DLGAP2: variants seen among roughly 807,000 people sequenced by gnomAD.
The protein encoded by DLGAP2 is disks large-associated protein 2.
DLGAP2 carries 26 observed loss-of-function variants against 100.3 expected under a neutral mutation model. That is an observed-to-expected ratio of 0.26 (90% CI 0.19 to 0.36). The LOEUF (loss-of-function observed/expected upper bound fraction) is 0.36. DLGAP2 is among the 10% of genes least tolerant of loss of function. The pLI, the probability that DLGAP2 is intolerant of heterozygous loss-of-function variation, is 1.00. For missense variants in DLGAP2, 1,858 were observed against 1,453.2 expected, an observed-to-expected ratio of 1.28 and a Z score of -4.53; for synonymous variants, 886 against 630.1, an observed-to-expected ratio of 1.41 and a Z score of -6.08.
At chr8:1,199,139 C>G (rs545195604) in intron 2 of DLGAP2, among the ~76,000 whole-genome samples, 10 of 152,180 alleles carry the variant, frequency 6.6e-5, no homozygotes, top group Admixed American at 2.0e-4. Context: ...CAACAACAAC[C>G]GCAGCAACAG....
chr8:1,196,292 C>T (rs552723629), intron 2 of DLGAP2, among the ~76,000 whole-genome samples: 1 of 152,364 alleles, frequency 6.6e-6, no homozygotes, highest in East Asian at 1.9e-4. Context: ...TTTGTGTCCA[C>T]ACACTGCAGT....
chr8:1,559,512 G>C (rs10113473), intron 5 of DLGAP2, among the ~76,000 whole-genome samples: 52,565 of 152,042 alleles, frequency 0.35, 9,927 homozygotes, highest in Non-Finnish European at 0.42. Context: ...CATTCTTTCT[G>C]TATTGAAATT....
chr8:1,327,163 C>T (rs775438466), intron 3 of DLGAP2, among the ~76,000 whole-genome samples: 5 of 152,236 alleles, frequency 3.3e-5, no homozygotes, highest in Non-Finnish European at 5.9e-5. Context: ...AGTTCCGAGG[C>T]GTCTCACATT....
chr8:1,283,125 A>G (rs58152057), intron 3 of DLGAP2, among the ~76,000 whole-genome samples: 91 of 101,968 alleles, frequency 8.9e-4, no homozygotes, highest in African/African-American at 3.3e-3. Context: ...CCATCCGGAC[A>G]TGGTGTGACC....
At chr8:1,485,303 T>G (rs1006559733) in intron 3 of DLGAP2, among the ~76,000 whole-genome samples, 1 of 151,880 alleles carries the variant, frequency 6.6e-6, no homozygotes, top group Non-Finnish European at 1.5e-5. Context: ...GAATTGCAGA[T>G]TTTTTCATAT....
chr8:1,267,704 G>C (rs550173044), intron 3 of DLGAP2, among the ~76,000 whole-genome samples: 2 of 152,076 alleles, frequency 1.3e-5, no homozygotes, highest in Admixed American at 6.5e-5. Flanking sequence ...CGTCCTCCGT[G>C]TCGCTGGCCC....
At chr8:1,506,292 T>C (rs952290000) in intron 4 of DLGAP2, among the ~76,000 whole-genome samples, 1 of 152,224 alleles carries the variant, frequency 6.6e-6, no homozygotes, top group East Asian at 1.9e-4. Flanking sequence ...CCATACTTAT[T>C]TTCTTCAGGG....
At chr8:1,203,301 T>G (rs528569669) in intron 2 of DLGAP2, among the ~76,000 whole-genome samples, 1 of 148,798 alleles carries the variant, frequency 6.7e-6, no homozygotes, top group Non-Finnish European at 1.5e-5. Flanking sequence ...GGTGTTAGAA[T>G]CCATGAGACT....
chr8:1,178,928 C>G (rs17815633), intron 2 of DLGAP2, among the ~76,000 whole-genome samples: 1 of 152,212 alleles, frequency 6.6e-6, no homozygotes, highest in Non-Finnish European at 1.5e-5. Context: ...CTGGGCACAC[C>G]GGCCTCTGCA....
chr8:994,348 G>A (rs1800725354), intron 2 of DLGAP2, among the ~76,000 whole-genome samples: 1 of 152,122 alleles, frequency 6.6e-6, no homozygotes, highest in Non-Finnish European at 1.5e-5. Flanking sequence ...TTACAGGCAT[G>A]GGCCACCATG....
chr8:1,010,407 CACAT>C (rs778701804), intron 2 of DLGAP2, among the ~76,000 whole-genome samples: 74 of 152,342 alleles, frequency 4.9e-4, no homozygotes, highest in Non-Finnish European at 8.4e-4. Flanking sequence ...GTTTTATACA[CACAT>C]ACACACATGT....
At chr8:1,150,918 T>G (rs1288321726) in intron 2 of DLGAP2, among the ~76,000 whole-genome samples, 1 of 152,228 alleles carries the variant, frequency 6.6e-6, no homozygotes, top group Non-Finnish European at 1.5e-5. Context: ...TATGGAGTAT[T>G]ACTTTCTGAG....
chr8:1,525,717 C>T (rs1297466861), intron 4 of DLGAP2, among the ~76,000 whole-genome samples: 2 of 152,378 alleles, frequency 1.3e-5, no homozygotes, highest in Non-Finnish European at 1.5e-5. Context: ...CTCCCAGCCT[C>T]TTAGCAAAAT....
intron 3 of DLGAP2, among the ~76,000 whole-genome samples, chr8:1,437,918 G>A (rs929288387): frequency 6.6e-6 from 1 of 151,828 alleles, no homozygotes; most frequent in African/African-American, 2.4e-5. Flanking sequence ...CCCTGGAGAT[G>A]GAGGTTGCAG....
chr8:1,355,924 G>T (rs1801838948), intron 3 of DLGAP2, among the ~76,000 whole-genome samples: 1 of 152,168 alleles, frequency 6.6e-6, no homozygotes, highest in Non-Finnish European at 1.5e-5. Context: ...CACATTCCAT[G>T]CACAGGCAAT....
chr8:987,101 A>G (rs774457504), intron 2 of DLGAP2, among the ~76,000 whole-genome samples: 13 of 152,012 alleles, frequency 8.6e-5, no homozygotes, highest in African/African-American at 1.2e-4. Flanking sequence ...CTTTTTTCCT[A>G]TACTTCTTTG....
Position 1,451,761 on chromosome 8 carries a change from G to A in DLGAP2, c.107-49605G>A, listed in dbSNP as rs191405383. Among the ~76,000 whole-genome samples, 1,029 of 152,160 alleles carry A rather than the reference G, an allele frequency of 6.8e-3. 4 individuals carry two copies. The highest frequency in any genetic ancestry group is 1.0e-2 in the Non-Finnish European group (677 of 68,006). On this transcript the variant is annotated intron_variant, in intron 3 of 14. Transcript: ENST00000637795. ...GTCCAGGAGCTCCCTCCACAGTAAC[G>A]ACTCCCACATCTTCCTGAGGCCACA...
In DLGAP2 at chr8:907,557, A is replaced by G. The variant is rs1468647539; in HGVS notation, c.19-355A>G. ...CCATTTCCAGGCTCTAATTGCGCCT[A>G]ATATTTTAAAAGCCATCACAAAAAT... On this transcript the variant is annotated intron_variant, in intron 1 of 14. Transcript: ENST00000637795. Among the ~76,000 whole-genome samples, 4 of 152,320 alleles carry G rather than the reference A, an allele frequency of 2.6e-5. No homozygotes were observed. The East Asian group carries it at 5.8e-4, about 22-fold the overall frequency.
chr8:1,222,118 G>T (rs192931679), intron 2 of DLGAP2, among the ~76,000 whole-genome samples: 3 of 152,234 alleles, frequency 2.0e-5, no homozygotes, highest in South Asian at 2.1e-4. Context: ...ACATTGCCGG[G>T]GAGCTAGAGC....
Sources: gnomAD v4.1 joint callset for allele counts (sites outside exome capture counted in the v4.1 genomes callset) on GRCh38, gnomAD v4.1.1 for gene constraint, MANE v1.5 for transcripts, NCBI Gene and HGNC (gene_info 2026-07-23, HGNC 2026-07-21) for gene names.